The following TMEM178A variants were observed in gnomAD, a reference collection of about 807,000 sequenced individuals.
The protein encoded by TMEM178A is transmembrane protein 178.
In TMEM178A, 12 loss-of-function variants were observed where a neutral mutation model predicts 29.1. The observed-to-expected ratio is 0.41, with a 90% confidence interval of 0.26 to 0.67. The LOEUF is 0.67. TMEM178A is among the 30% of genes least tolerant of loss of function. The probability of loss-of-function intolerance (pLI) is 0.29; values close to 1 mark genes in which losing one functional copy is unlikely to be tolerated. For synonymous variants in TMEM178A, 210 were observed against 187.2 expected (o/e 1.12, Z -0.99); for missense variants, 366 against 419.1 (o/e 0.87, Z 1.11).
chr2:39,683,941 A>G (rs1172852837), intron 1 of TMEM178A, among the ~76,000 whole-genome samples: 1 of 152,216 alleles, frequency 6.6e-6, no homozygotes, highest in East Asian at 1.9e-4. Context: ...TGGGCTGATA[A>G]TCATGCAGTC....
At chr2:39,687,581 C>T (rs1404121054) in intron 1 of TMEM178A, among the ~76,000 whole-genome samples, 2 of 152,130 alleles carry the variant, frequency 1.3e-5, no homozygotes, top group East Asian at 1.9e-4. Context: ...CATGGTTTTC[C>T]TCAGCTCCAG....
chr2:39,690,305 C>T (rs905716319), intron 1 of TMEM178A, among the ~76,000 whole-genome samples: 2 of 152,182 alleles, frequency 1.3e-5, no homozygotes, highest in Non-Finnish European at 2.9e-5. Flanking sequence ...TGTGTATATC[C>T]CTAAGTGGTG....
At chr2:39,708,489 A>G (rs1400944122) in intron 3 of TMEM178A, among the ~76,000 whole-genome samples, 3 of 127,900 alleles carry the variant, frequency 2.3e-5, no homozygotes, top group East Asian at 2.3e-4. Context: ...CGCGATCTCG[A>G]CTCACTGCAA....
At chr2:39,669,111 G>C (rs538156772) in intron 1 of TMEM178A, among the ~76,000 whole-genome samples, 1 of 152,204 alleles carries the variant, frequency 6.6e-6, no homozygotes, top group South Asian at 2.1e-4. Context: ...AATTTTAATG[G>C]TAGGAAATGA....
At chr2:39,673,634 T>A (rs1572647454) in intron 1 of TMEM178A, among the ~76,000 whole-genome samples, 2 of 152,214 alleles carry the variant, frequency 1.3e-5, no homozygotes. Flanking sequence ...GAAGGCTTAA[T>A]TGTCTCTTTA....
chr2:39,697,620 C>T (rs1040435068), intron 1 of TMEM178A, among the ~76,000 whole-genome samples: 4 of 152,166 alleles, frequency 2.6e-5, no homozygotes, highest in Non-Finnish European at 5.9e-5. Flanking sequence ...ATTTTCCCTA[C>T]CCTCTTGCTC....
At chr2:39,725,066 C>G in the TMEM178A span, among the ~76,000 whole-genome samples, 11 of 152,194 alleles carry the variant, frequency 7.2e-5, no homozygotes, top group Admixed American at 1.3e-4. Context: ...AAAGAATTCT[C>G]CAAATAAAGT....
downstream of TMEM178A, among the ~76,000 whole-genome samples, chr2:39,720,590 C>T (rs1468676701): frequency 3.3e-5 from 5 of 152,232 alleles, no homozygotes; most frequent in Non-Finnish European, 7.3e-5. Flanking sequence ...ACGCTCCGCA[C>T]ATGAATTGCC....
Position 39,684,996 on chromosome 2 carries a change from T to C in TMEM178A, c.400+18622T>C, listed in dbSNP as rs149360363. ...CAGTTTTGTATTGGCCTGTTTATAT[T>C]TCCATCCCTTATATTACTGCCTCTA... is the stretch of plus-strand genomic sequence containing the variant. On this transcript the variant is annotated intron_variant, in intron 1 of 3. Transcript: ENST00000281961. Among the ~76,000 whole-genome samples, 833 of 152,302 alleles carry C rather than the reference T, an allele frequency of 5.5e-3. 12 individuals carry two copies. Among genetic ancestry groups the C allele is most frequent in the African/African-American group, 0.019 (787 of 41,554 alleles).
At chr2:39,703,949 A>C in intron 1 of TMEM178A, 132 bp from the exon 2 acceptor site, 1 of 646,342 alleles carries the variant, frequency 1.5e-6, no homozygotes. Context: ...TTAGGTTTTT[A>C]TTGCTCTGAA....
At chr2:39,732,479 T>C in the TMEM178A span, among the ~76,000 whole-genome samples, 8 of 152,184 alleles carry the variant, frequency 5.3e-5, no homozygotes, top group African/African-American at 1.9e-4. Context: ...GTTGGGTCCA[T>C]GCGACTTTTG....
the TMEM178A span, among the ~76,000 whole-genome samples, chr2:39,731,613 C>G: frequency 6.6e-6 from 1 of 152,352 alleles, no homozygotes; most frequent in East Asian, 1.9e-4. Flanking sequence ...TATCTACCGA[C>G]ATGACCCAAA....
chr2:39,723,990 C>G, the TMEM178A span, among the ~76,000 whole-genome samples: 2 of 152,228 alleles, frequency 1.3e-5, no homozygotes, highest in Non-Finnish European at 2.9e-5. Context: ...TAAGCCAGAG[C>G]ACACACTGCA....
At chr2:39,695,062 G>C (rs1671479987) in intron 1 of TMEM178A, among the ~76,000 whole-genome samples, 1 of 152,158 alleles carries the variant, frequency 6.6e-6, no homozygotes, top group South Asian at 2.1e-4. Flanking sequence ...AAGCATTTTT[G>C]TCTGTCTGCT....
chr2:39,714,738 A>G (rs561586958), intron 3 of TMEM178A, among the ~76,000 whole-genome samples: 1 of 152,298 alleles, frequency 6.6e-6, no homozygotes, highest in Non-Finnish European at 1.5e-5. Flanking sequence ...CGGTGGTTTA[A>G]TGATAGAATT....
intron 1 of TMEM178A, among the ~76,000 whole-genome samples, chr2:39,684,202 A>G (rs1286753434): frequency 6.6e-6 from 1 of 152,200 alleles, no homozygotes; most frequent in Non-Finnish European, 1.5e-5. Flanking sequence ...GGGTTGCTAA[A>G]TATCAGGTGC....
chr2:39,688,643 G>A (rs989541831), intron 1 of TMEM178A, among the ~76,000 whole-genome samples: 2 of 152,214 alleles, frequency 1.3e-5, no homozygotes, highest in Admixed American at 1.3e-4. Context: ...AAAGTAAAAG[G>A]AAATGCAATT....
chr2:39,713,843 T>C (rs935615302), intron 3 of TMEM178A, among the ~76,000 whole-genome samples: 1 of 152,238 alleles, frequency 6.6e-6, no homozygotes, highest in African/African-American at 2.4e-5. Context: ...ATAGTAAGAA[T>C]GCTTTCATCA....
chr2:39,720,258 G>A (rs568184214), downstream of TMEM178A, among the ~76,000 whole-genome samples: 3 of 152,202 alleles, frequency 2.0e-5, no homozygotes, highest in Admixed American at 6.5e-5. Flanking sequence ...TTTCTTATTC[G>A]AAATTGAAGT....
Sources: allele counts gnomAD v4.1 joint callset (sites outside exome capture counted in the v4.1 genomes callset), GRCh38; gene constraint gnomAD v4.1.1; transcripts MANE v1.5; gene names NCBI Gene and HGNC (gene_info 2026-07-23, HGNC 2026-07-21).